The following CDH3 variants were observed in gnomAD, a reference collection of about 807,000 sequenced individuals.
CDH3 encodes cadherin 3.
A neutral mutation model predicts 82.0 loss-of-function variants in CDH3; 54 were observed. The ratio of observed to expected loss-of-function variants is 0.66; its 90% CI spans 0.53 to 0.83. The LOEUF is 0.83. CDH3 is among the 40% of genes least tolerant of loss of function. The pLI is 0.00. For missense variants in CDH3, 1,054 were observed against 1,084.6 expected (o/e 0.97, Z 0.40); for synonymous variants, 446 against 437.9 (o/e 1.02, Z -0.23).
chr16:68,682,330 TG>T lies in CDH3; in HGVS notation c.1028del (p.Gly343AlafsTer7), dbSNP rs1216223482. 3 of 1,613,958 alleles carry T rather than the reference TG, an allele frequency of 1.9e-6. No individual in the cohort carries two copies. Among genetic ancestry groups the T allele is most frequent in the Non-Finnish European group, 1.7e-6 (2 of 1,180,010 alleles). ...GAGGCCCATGTGCCTGAGAATGCAGTGGGCCATGAGGTGCAGAGGCTGACGG... is the reference window on the plus strand; with the variant it reads ...GAGGCCCATGTGCCTGAGAATGCAGTGGCCATGAGGTGCAGAGGCTGACGG... ...KYEAHVPENAVGHEVQRLTVT... is the reference protein window; with the variant it reads ...KYEAHVPENAXGHEVQRLTVT... On this transcript the variant is annotated frameshift_variant, in exon 9 of 16. Transcript: ENST00000264012. LOFTEE classifies it high-confidence loss of function.
intron 8 of CDH3, 87 bp downstream of exon 8, chr16:68,681,183 GC>G (rs1961219255): frequency 2.1e-6 from 3 of 1,425,954 alleles, no homozygotes; most frequent in Admixed American, 1.7e-5. Flanking sequence ...AGTCTATATT[GC>G]TTCAAATGCC....
chr16:68,685,972 C>T, intron 11 of CDH3, among the ~76,000 whole-genome samples: 1 of 152,054 alleles, frequency 6.6e-6, no homozygotes, highest in East Asian at 1.9e-4. Context: ...TCAAGGCTGG[C>T]CTGAGAAACA....
At chr16:68,688,146 G>A (rs8051095) in intron 12 of CDH3, among the ~76,000 whole-genome samples, 92,904 of 150,172 alleles carry the variant, frequency 0.62, 28,915 homozygotes, top group African/African-American at 0.67. Context: ...ACAGGAAGGC[G>A]GTTGGGCTAG....
intron 2 of CDH3, among the ~76,000 whole-genome samples, chr16:68,660,150 G>A (rs1173791677): frequency 3.9e-5 from 6 of 152,170 alleles, no homozygotes; most frequent in Non-Finnish European, 8.8e-5. Context: ...AAAGATGATC[G>A]AGTGAACTGT....
Position 68,707,252 on chromosome 16 carries a change from T to C in CDH3, c.99+11329T>C, listed in dbSNP as rs199584695. Among the ~76,000 whole-genome samples the C allele has an allele frequency of 7.3e-5, 11 of 151,612 alleles. No individual in the cohort carries two copies. Among genetic ancestry groups the C allele is most frequent in the Admixed American group, 3.3e-4 (5 of 15,220 alleles). On this transcript the variant is annotated intron_variant, in intron 1 of 2. Coordinates refer to the CDH3 transcript ENST00000569080. The surrounding 1 kb of genome is among the most constrained non-coding windows in gnomAD (Gnocchi z 4.5). ...GGGACGGGTTGAGATGGGTCGAGAG[T>C]GTGTGCAGAGATGAGGTTGGACAGG...
intron 1 of CDH3, among the ~76,000 whole-genome samples, chr16:68,721,394 T>C (rs1962163228): frequency 6.6e-6 from 1 of 151,930 alleles, no homozygotes; most frequent in African/African-American, 2.4e-5. Flanking sequence ...CCACCAGGTC[T>C]GGCTAATTTT....
In CDH3 at chr16:68,684,829, T is replaced by C; in HGVS notation, c.1424+5T>C. On this transcript the variant is annotated splice_donor_5th_base_variant and intron_variant, in intron 10 of 15. Transcript: ENST00000264012. ...CAAGGAGAATCAAAAGATCAGGTAC[T>C]CAGGAGCTGGGCTCAGTAAGCAGCA... 1.2e-6 allele frequency: 2 copies of C among 1,614,122 alleles called. No individual in the cohort carries two copies. The highest frequency in any genetic ancestry group is 1.7e-6 in the Non-Finnish European group (2 of 1,180,028).
chr16:68,649,617 G>A (rs938833266), intron 2 of CDH3, among the ~76,000 whole-genome samples: 1 of 152,114 alleles, frequency 6.6e-6, no homozygotes, highest in Non-Finnish European at 1.5e-5. Context: ...TTATCTCACG[G>A]TGCAGGGCCC....
chr16:68,690,948 T>C (rs959071806), intron 12 of CDH3, among the ~76,000 whole-genome samples: 3 of 152,002 alleles, frequency 2.0e-5, no homozygotes. Context: ...GTGTTTCATA[T>C]AAGATTGGGC....
At chr16:68,680,915 A>AG in intron 7 of CDH3, 53 bp from the exon 8 acceptor site, 2 of 1,608,550 alleles carry the variant, frequency 1.2e-6, no homozygotes, top group Non-Finnish European at 1.7e-6. Flanking sequence ...AGGTCAGGGG[A>AG]GGGACCCTTC....
intron 1 of CDH3, among the ~76,000 whole-genome samples, chr16:68,706,737 A>G (rs1961969672): frequency 1.3e-5 from 2 of 151,574 alleles, no homozygotes; most frequent in Admixed American, 6.6e-5. Flanking sequence ...ATTTTTTGGT[A>G]GAGATAGGAT....
At chr16:68,716,040 G>A (rs1172281110) in intron 1 of CDH3, among the ~76,000 whole-genome samples, 2 of 152,046 alleles carry the variant, frequency 1.3e-5, no homozygotes, top group Non-Finnish European at 2.9e-5. Context: ...AGGCTGAGGC[G>A]GGTGGATCAC....
chr16:68,708,970 G>C (rs1196087534), intron 1 of CDH3, among the ~76,000 whole-genome samples: 1 of 151,728 alleles, frequency 6.6e-6, no homozygotes, highest in Non-Finnish European at 1.5e-5. Context: ...TTAGGTACTG[G>C]GTTTCACTAT....
intron 2 of CDH3, among the ~76,000 whole-genome samples, chr16:68,724,789 C>T (rs554230267): frequency 8.5e-5 from 13 of 152,232 alleles, no homozygotes; most frequent in East Asian, 7.7e-4. Flanking sequence ...AAGGATTCAA[C>T]GGGCATACAC....
At chr16:68,731,385 A>ATATATATATATAT (rs1432387943), downstream of CDH3, among the ~76,000 whole-genome samples, 1 of 9,340 alleles carries the variant, frequency 1.1e-4, no homozygotes. Flanking sequence ...AAAAAAAAAA[A>ATATATATATATAT]AAAAAAAAAA....
At chr16:68,719,500 T>C (rs1190113508) in intron 1 of CDH3, among the ~76,000 whole-genome samples, 2 of 102,982 alleles carry the variant, frequency 1.9e-5, no homozygotes, top group Non-Finnish European at 4.1e-5. Context: ...GATGGAACTG[T>C]TCTTTTTTTT....
chr16:68,683,669 A>G (rs1198570689), intron 9 of CDH3, among the ~76,000 whole-genome samples: 1 of 10,972 alleles, frequency 9.1e-5, no homozygotes, highest in Non-Finnish European at 2.1e-4. Context: ...AAAAAAAAAA[A>G]AAAAAAAAAA....
chr16:68,708,269 GCA>G (rs1961988418), intron 1 of CDH3, among the ~76,000 whole-genome samples: 1 of 151,654 alleles, frequency 6.6e-6, no homozygotes, highest in South Asian at 2.1e-4. Flanking sequence ...GGAGGTTGCA[GCA>G]AGTCGAGATC....
intron 1 of CDH3, among the ~76,000 whole-genome samples, chr16:68,705,873 G>T (rs998503918): frequency 4.6e-5 from 7 of 151,478 alleles, no homozygotes; most frequent in African/African-American, 7.3e-5. Context: ...AGACCATTCT[G>T]GCCAACACGG....
Sources: allele counts gnomAD v4.1 joint callset (sites outside exome capture counted in the v4.1 genomes callset), GRCh38; gene constraint gnomAD v4.1.1; non-coding constraint Gnocchi (gnomAD v3.1); transcripts MANE v1.5; gene names NCBI Gene and HGNC (gene_info 2026-07-23, HGNC 2026-07-21).